The following RIMS1 variants were observed in gnomAD, a reference collection of about 807,000 sequenced individuals.
RIMS1 encodes regulating synaptic membrane exocytosis 1.
In RIMS1, 83 loss-of-function variants were observed where a neutral mutation model predicts 214.1. That is an observed-to-expected ratio of 0.39 (90% confidence interval 0.32 to 0.47). The LOEUF is 0.47. Among genes scored for constraint, RIMS1 ranks in the 20% least tolerant of loss-of-function variants. The pLI is 0.99. For synonymous variants in RIMS1, 793 were observed against 786.8 expected, an observed-to-expected ratio of 1.01 and a Z score of -0.13; for missense variants, 2,050 against 2,161.8, an observed-to-expected ratio of 0.95 and a Z score of 1.03.
intron 6 of RIMS1, among the ~76,000 whole-genome samples, chr6:72,212,514 G>T (rs865777279): frequency 1.3e-5 from 2 of 152,080 alleles, no homozygotes; most frequent in East Asian, 1.9e-4. Flanking sequence ...ATAAATCAAA[G>T]ATATAATAAT....
At position 72,271,287 on chromosome 6, in the gene RIMS1, ATATATATATAT is replaced by A. The variant is rs1372288272; in HGVS notation, c.3399-3061_3399-3051del. ...TCTCAAGGAAAAAAAAAAAAAAAAAATATATATATATATATATATATATATATATGTTAATT... is the reference window on the plus strand; with the variant it reads ...TCTCAAGGAAAAAAAAAAAAAAAAAAATATATATATATATATATGTTAATT... On this transcript the variant is annotated intron_variant, in intron 22 of 33. Coordinates refer to ENST00000521978, the MANE Select transcript of RIMS1 (RefSeq NM_014989.7). 1.2e-3 allele frequency among the ~76,000 whole-genome samples: 7 copies of A among 5,744 alleles called. No homozygotes were observed. The Admixed American group carries it at 0.012, about 10-fold the overall frequency. The allele number at this position is 5,744 out of a possible 152,430, so 3.8% of individuals were successfully genotyped here.
chr6:72,063,810 C>T (rs1320255936), intron 2 of RIMS1, among the ~76,000 whole-genome samples: 1 of 152,144 alleles, frequency 6.6e-6, no homozygotes, highest in East Asian at 1.9e-4. Context: ...CATCAGTTTG[C>T]TAGGGCTGCT....
At chr6:71,992,821 G>C (rs1251217699) in intron 2 of RIMS1, among the ~76,000 whole-genome samples, 1 of 151,926 alleles carries the variant, frequency 6.6e-6, no homozygotes, top group Non-Finnish European at 1.5e-5. Context: ...CACCACACCT[G>C]GCTAAGTTTT....
chr6:72,114,844 A>G (rs756085678), intron 4 of RIMS1, among the ~76,000 whole-genome samples: 2 of 151,880 alleles, frequency 1.3e-5, no homozygotes, highest in Admixed American at 1.3e-4. Context: ...TATCAAACCT[A>G]TGATCTCTGG....
At chr6:71,968,610 C>T (rs1172833951) in intron 1 of RIMS1, among the ~76,000 whole-genome samples, 2 of 152,142 alleles carry the variant, frequency 1.3e-5, no homozygotes, top group Admixed American at 6.5e-5. Flanking sequence ...ACAGAATATC[C>T]TGCTCAAAAT....
intron 29 of RIMS1, among the ~76,000 whole-genome samples, chr6:72,383,608 T>TAAAA (rs1170633297): frequency 2.3e-5 from 2 of 85,918 alleles, no homozygotes; most frequent in African/African-American, 4.6e-5. Context: ...ACCCCATCTC[T>TAAAA]AAAAAAAAAA....
At chr6:72,062,302 T>C (rs1828063117) in intron 2 of RIMS1, among the ~76,000 whole-genome samples, 2 of 152,140 alleles carry the variant, frequency 1.3e-5, no homozygotes, top group Admixed American at 1.3e-4. Context: ...TTTTCAATTA[T>C]CTATGTTTAT....
At chr6:72,379,092 T>G (rs1196842666) in intron 29 of RIMS1, among the ~76,000 whole-genome samples, 1 of 152,202 alleles carries the variant, frequency 6.6e-6, no homozygotes, top group Non-Finnish European at 1.5e-5. Context: ...TCTTTATTAT[T>G]CCTAAAACTA....
chr6:71,903,337 G>GT (rs1401607565), intron 1 of RIMS1, among the ~76,000 whole-genome samples: 1 of 152,046 alleles, frequency 6.6e-6, no homozygotes, highest in Non-Finnish European at 1.5e-5. Flanking sequence ...CTTTAAAAGT[G>GT]TCTGTTCATG....
intron 12 of RIMS1, 95 bp from the exon 13 acceptor site, chr6:72,250,235 A>G (rs559790506): frequency 8.4e-7 from 1 of 1,190,150 alleles, no homozygotes; most frequent in African/African-American, 1.6e-5. Flanking sequence ...TGTAATTCAA[A>G]ATTTCCTCAT....
intron 29 of RIMS1, among the ~76,000 whole-genome samples, chr6:72,376,488 T>C (rs561887213): frequency 6.0e-4 from 92 of 152,262 alleles, no homozygotes; most frequent in Non-Finnish European, 1.1e-3. Context: ...GCTCCGTGGC[T>C]CATTCCTGTA....
intron 1 of RIMS1, among the ~76,000 whole-genome samples, chr6:71,933,691 C>CAT (rs1160502618): frequency 6.7e-6 from 1 of 149,378 alleles, no homozygotes; most frequent in Admixed American, 6.7e-5. Flanking sequence ...ATCACACACA[C>CAT]ACACACACAC....
intron 29 of RIMS1, among the ~76,000 whole-genome samples, chr6:72,338,471 G>A (rs1323170850): frequency 6.6e-6 from 1 of 152,022 alleles, no homozygotes; most frequent in East Asian, 1.9e-4. Flanking sequence ...TGACAAATGG[G>A]ATCTAATTAA....
At chr6:72,399,578 C>T (rs567870787) in intron 33 of RIMS1, among the ~76,000 whole-genome samples, 1 of 152,216 alleles carries the variant, frequency 6.6e-6, no homozygotes, top group South Asian at 2.1e-4. Flanking sequence ...AAATATTGAG[C>T]CCTGGTGGAG....
At chr6:71,927,202 T>TACC (rs1428410439) in intron 1 of RIMS1, among the ~76,000 whole-genome samples, 3 of 152,308 alleles carry the variant, frequency 2.0e-5, no homozygotes, top group African/African-American at 7.2e-5. Context: ...AATACCTGTG[T>TACC]ACCACTCTAC....
intron 1 of RIMS1, among the ~76,000 whole-genome samples, chr6:71,968,017 G>A (rs757172266): frequency 6.6e-6 from 1 of 152,162 alleles, no homozygotes; most frequent in South Asian, 2.1e-4. Context: ...TCTCCAAGAA[G>A]CCTCCATGAA....
chr6:72,310,959 G>A (rs1469759343), intron 27 of RIMS1, among the ~76,000 whole-genome samples: 1 of 151,834 alleles, frequency 6.6e-6, no homozygotes, highest in Non-Finnish European at 1.5e-5. Flanking sequence ...GAATAACAAA[G>A]GTCTGTATAC....
At chr6:71,911,942 G>T (rs1361112029) in intron 1 of RIMS1, among the ~76,000 whole-genome samples, 3 of 152,064 alleles carry the variant, frequency 2.0e-5, no homozygotes, top group Non-Finnish European at 4.4e-5. Context: ...CCTATCAATG[G>T]TACTTGTGCT....
At chr6:72,371,486 GA>G (rs1323906547) in intron 29 of RIMS1, among the ~76,000 whole-genome samples, 1 of 152,172 alleles carries the variant, frequency 6.6e-6, no homozygotes, top group Non-Finnish European at 1.5e-5. Flanking sequence ...ATTAAGACTT[GA>G]AACTTTGTCC....
Sources: gnomAD v4.1 joint callset for allele counts (sites outside exome capture counted in the v4.1 genomes callset) on GRCh38, gnomAD v4.1.1 for gene constraint, MANE v1.5 for transcripts, NCBI Gene and HGNC (gene_info 2026-07-23, HGNC 2026-07-21) for gene names.